Variants in ABCD2 observed in about 807,000 individuals in gnomAD.
ABCD2 encodes ATP-binding cassette sub-family D member 2.
Under a neutral mutation model 70.9 loss-of-function variants are expected in ABCD2, and 36 were observed. That is an observed-to-expected ratio of 0.51 (90% CI 0.39 to 0.67). The LOEUF (loss-of-function observed/expected upper bound fraction) is 0.67. Among genes scored for constraint, ABCD2 ranks in the 30% least tolerant of loss-of-function variants. ABCD2 has a pLI of 0.00. For missense variants in ABCD2, 729 were observed against 890.2 expected (o/e 0.82, Z 2.30); for synonymous variants, 304 against 306.9 (o/e 0.99, Z 0.10).
chr12:39,570,728 C>T lies in ABCD2; in HGVS notation c.2003+2988G>A, dbSNP rs149210350. ...TTGGATATGACCTCAAGAGCATAGG[C>T]AACAAAAGTAAAAATAGACAAATGG... On this transcript the variant is annotated intron_variant, in intron 9 of 9. Transcript: ENST00000308666. 4.4e-3 allele frequency among the ~76,000 whole-genome samples: 675 copies of T among 152,100 alleles called. 1 individual carries two copies. Among genetic ancestry groups the T allele is most frequent in the Middle Eastern group, 0.01 (3 of 294 alleles).
chr12:39,535,223 G>C, the ABCD2 span, among the ~76,000 whole-genome samples: 9 of 152,138 alleles, frequency 5.9e-5, no homozygotes, highest in Non-Finnish European at 1.0e-4. Flanking sequence ...GTGGGATTAA[G>C]TAATCACAAA....
intron 7 of ABCD2, among the ~76,000 whole-genome samples, chr12:39,582,620 A>C (rs1359618475): frequency 6.6e-6 from 1 of 152,226 alleles, no homozygotes; most frequent in East Asian, 1.9e-4. Context: ...ATTCTACCAC[A>C]GCCTTCTGAA....
rs559532446 is a variant in ABCD2 at position 39,566,238 on chromosome 12, G to A, written c.2003+7478C>T. ...CCTCCTTGTACCTCTGGTAGAATTCGGCTGTGAATCCGTCTGGTCCTGGAG... is the reference window on the plus strand; with the variant it reads ...CCTCCTTGTACCTCTGGTAGAATTCAGCTGTGAATCCGTCTGGTCCTGGAG... On this transcript the variant is annotated intron_variant, in intron 9 of 9. Transcript: ENST00000308666. Among the ~76,000 whole-genome samples, 4 of 152,218 alleles carry A rather than the reference G, an allele frequency of 2.6e-5. No individual in the cohort carries two copies. The South Asian group carries it at 6.2e-4, about 24-fold the overall frequency.
At position 39,607,714 on chromosome 12, in the gene ABCD2, T is replaced by C. The variant is rs1320531273; in HGVS notation, c.1121A>G (p.Glu374Gly). Residue 374 changes from glutamate (E) to glycine (G), a missense_variant and splice_region_variant, in exon 3 of 10, where the codon GAG (glutamate) becomes GGG (glycine). This residue lies in a region of ABCD2 where 195 missense variants were observed against 300.2 expected (regional missense o/e 0.65). Transcript: ENST00000308666. Reference protein sequence around the residue: ...IITATGFADGEDGQKQVMVSE... With the variant: ...IITATGFADGGDGQKQVMVSE... The stretch of plus-strand genomic sequence containing the variant: ...AACCATAACTTGCTTTTGGCCATCC[T>C]CTAGATATAAAAACAAATTACAAAA... The C allele has an allele frequency of 2.0e-6, 3 of 1,515,086 alleles. No individual in the cohort carries two copies. Among genetic ancestry groups the C allele is most frequent in the Non-Finnish European group, 2.7e-6 (3 of 1,107,770 alleles). The allele number at this position is 1,515,086 out of a possible 1,614,324, so 93.9% of individuals were successfully genotyped here.
chr12:39,537,223 A>T, the ABCD2 span, among the ~76,000 whole-genome samples: 1 of 152,008 alleles, frequency 6.6e-6, no homozygotes, highest in Non-Finnish European at 1.5e-5. Flanking sequence ...CCTAAAATTA[A>T]ACTTGTGCAA....
chr12:39,592,291 C>T (rs1366416348), intron 6 of ABCD2, among the ~76,000 whole-genome samples: 1 of 152,060 alleles, frequency 6.6e-6, no homozygotes, highest in Non-Finnish European at 1.5e-5. Context: ...GATATTTATC[C>T]CCATCATAAA....
the ABCD2 span, among the ~76,000 whole-genome samples, chr12:39,540,424 A>G: frequency 6.6e-6 from 1 of 152,214 alleles, no homozygotes; most frequent in East Asian, 1.9e-4. Context: ...ACAAAGAAGA[A>G]CATCAAATTA....
chr12:39,542,426 C>T, the ABCD2 span, among the ~76,000 whole-genome samples: 1 of 148,870 alleles, frequency 6.7e-6, no homozygotes, highest in South Asian at 2.1e-4. Context: ...TACGCCACTG[C>T]ACTCCAGCCT....
At position 39,607,608 on chromosome 12, in the gene ABCD2, T is replaced by G. The variant is rs1941986368; in HGVS notation, c.1227A>C (p.Ser409=). 5.0e-6 allele frequency: 8 copies of G among 1,603,534 alleles called. No individual in the cohort carries two copies. The highest frequency in any genetic ancestry group is 1.1e-5 in the South Asian group (1 of 88,528). The change falls in exon 3 of 10, where the codon TCA becomes TCC. Residue 409 remains serine (S), a synonymous_variant. Transcript: ENST00000308666. ...TAAGAAATGCAAGTACCTCTTTGTA[T>G]GAAGACATAATCCTTTCAATAGCAT... ...GADAIERIMS[S]YKEVTELAGY...
intron 6 of ABCD2, among the ~76,000 whole-genome samples, chr12:39,591,339 G>T (rs530598658): frequency 2.1e-4 from 32 of 152,208 alleles, no homozygotes; most frequent in African/African-American, 7.7e-4. Flanking sequence ...ATATCTTTTG[G>T]ATAAGATATT....
intron 6 of ABCD2, among the ~76,000 whole-genome samples, chr12:39,595,197 T>C (rs1941800039): frequency 6.6e-6 from 1 of 152,234 alleles, no homozygotes; most frequent in African/African-American, 2.4e-5. Flanking sequence ...GTTATGATTA[T>C]CTGAGAAAAT....
At chr12:39,548,464 G>C (rs546940417), downstream of ABCD2, among the ~76,000 whole-genome samples, 1 of 151,998 alleles carries the variant, frequency 6.6e-6, no homozygotes, top group African/African-American at 2.4e-5. Context: ...CAATGAGCTA[G>C]CCTAAAAAAG....
At chr12:39,598,035 G>C (rs1158046566) in intron 6 of ABCD2, among the ~76,000 whole-genome samples, 1 of 152,022 alleles carries the variant, frequency 6.6e-6, no homozygotes, top group African/African-American at 2.4e-5. Flanking sequence ...AGCATTCTTC[G>C]TGAAGATTTG....
At chr12:39,569,220 CA>C (rs1323257548) in intron 9 of ABCD2, among the ~76,000 whole-genome samples, 1 of 152,206 alleles carries the variant, frequency 6.6e-6, no homozygotes, top group African/African-American at 2.4e-5. Context: ...GCCCTACCCC[CA>C]GAGGTTGAGT....
chr12:39,587,287 T>C (rs967925330), intron 6 of ABCD2, among the ~76,000 whole-genome samples: 26 of 152,160 alleles, frequency 1.7e-4, no homozygotes, highest in African/African-American at 6.3e-4. Flanking sequence ...ATTGTTAAGT[T>C]GAAAAGCAAA....
intron 6 of ABCD2, among the ~76,000 whole-genome samples, chr12:39,598,487 G>A (rs541084796): frequency 2.3e-3 from 346 of 152,170 alleles, no homozygotes; most frequent in African/African-American, 8.1e-3. Flanking sequence ...CGCGACCTCT[G>A]TCTCCCAGGT....
downstream of ABCD2, among the ~76,000 whole-genome samples, chr12:39,546,398 G>T (rs1233698429): frequency 6.6e-6 from 1 of 152,012 alleles, no homozygotes; most frequent in Admixed American, 6.6e-5. Context: ...TGTTCTAGGT[G>T]CCATGAATAC....
chr12:39,610,158 G>T (rs1444180570), intron 2 of ABCD2, among the ~76,000 whole-genome samples: 1 of 152,138 alleles, frequency 6.6e-6, no homozygotes, highest in African/African-American at 2.4e-5. Flanking sequence ...GTCGAGTAAT[G>T]CTAATTGAAT....
At chr12:39,589,101 A>C (rs1486913437) in intron 6 of ABCD2, among the ~76,000 whole-genome samples, 1 of 152,160 alleles carries the variant, frequency 6.6e-6, no homozygotes, top group Non-Finnish European at 1.5e-5. Context: ...CTGCAACTTG[A>C]TTAAAAAATA....
Sources: gnomAD v4.1 joint callset for allele counts (sites outside exome capture counted in the v4.1 genomes callset) on GRCh38, gnomAD v4.1.1 for gene constraint, gnomAD v4.1.1 regional missense constraint, MANE v1.5 for transcripts, NCBI Gene and HGNC (gene_info 2026-07-23, HGNC 2026-07-21) for gene names.